The following ASIC2 variants were observed in gnomAD, a reference collection of about 807,000 sequenced individuals.
The protein encoded by ASIC2 is acid sensing ion channel subunit 2, also known as acid-sensing ion channel 2.
ASIC2 carries 25 observed loss-of-function variants against 57.3 expected under a neutral mutation model. That is an observed-to-expected ratio of 0.44 (90% CI 0.32 to 0.61). The LOEUF (loss-of-function observed/expected upper bound fraction) is 0.61, where lower values mean the gene tolerates loss of function less well. Among genes scored for constraint, ASIC2 ranks in the 20% least tolerant of loss-of-function variants. The probability of loss-of-function intolerance (pLI) is 0.06; values close to 1 mark genes in which losing one functional copy is unlikely to be tolerated. For synonymous variants in ASIC2, 319 were observed against 307.5 expected (o/e 1.04, Z -0.39); for missense variants, 641 against 738.1 (o/e 0.87, Z 1.52).
chr17:33,344,344 C>T (rs530096053), intron 1 of ASIC2, among the ~76,000 whole-genome samples: 34 of 152,280 alleles, frequency 2.2e-4, no homozygotes, highest in African/African-American at 7.7e-4. Flanking sequence ...AAGACTCTTC[C>T]TGCAGCAGCA....
At chr17:33,300,634 AG>A (rs1905918218) in intron 1 of ASIC2, among the ~76,000 whole-genome samples, 1 of 152,198 alleles carries the variant, frequency 6.6e-6, no homozygotes, top group Admixed American at 6.5e-5. Context: ...TATTTTTCTC[AG>A]GCTAATTATA....
intron 1 of ASIC2, among the ~76,000 whole-genome samples, chr17:33,380,175 G>A (rs1909429196): frequency 7.1e-6 from 1 of 141,124 alleles, no homozygotes. Flanking sequence ...GAACCAGGGA[G>A]GCAGAAGTTG....
intron 1 of ASIC2, among the ~76,000 whole-genome samples, chr17:33,699,518 T>A (rs1252460421): frequency 3.3e-5 from 5 of 152,224 alleles, no homozygotes; most frequent in Non-Finnish European, 7.3e-5. Flanking sequence ...CGCAGCCACA[T>A]GTCCATAGAA....
At chr17:33,342,804 A>G (rs945282125) in intron 1 of ASIC2, among the ~76,000 whole-genome samples, 1 of 152,062 alleles carries the variant, frequency 6.6e-6, no homozygotes, top group African/African-American at 2.4e-5. Context: ...ACACCTCCTC[A>G]TTCATTCCAG....
chr17:34,078,037 C>T (rs1909736680), intron 1 of ASIC2, among the ~76,000 whole-genome samples: 2 of 152,196 alleles, frequency 1.3e-5, no homozygotes, highest in African/African-American at 2.4e-5. Flanking sequence ...CCTACAGCTT[C>T]TGTCCAGAAT....
chr17:33,072,970 C>T (rs960910552), intron 3 of ASIC2, among the ~76,000 whole-genome samples: 5 of 152,196 alleles, frequency 3.3e-5, no homozygotes, highest in Non-Finnish European at 5.9e-5. Flanking sequence ...ATTCACGGCA[C>T]GCAGGGCACA....
At chr17:33,673,139 G>T (rs961386777) in intron 1 of ASIC2, among the ~76,000 whole-genome samples, 2 of 152,308 alleles carry the variant, frequency 1.3e-5, no homozygotes, top group South Asian at 4.1e-4. Flanking sequence ...GGTTTGACAG[G>T]CTCAGGTGCA....
chr17:33,478,555 A>C (rs1913303070), intron 1 of ASIC2, among the ~76,000 whole-genome samples: 1 of 152,212 alleles, frequency 6.6e-6, no homozygotes, highest in Non-Finnish European at 1.5e-5. Context: ...AGTTTCTGTC[A>C]ATCCTTCGGG....
At chr17:33,037,546 C>T (rs1448425232) in intron 3 of ASIC2, among the ~76,000 whole-genome samples, 1 of 151,966 alleles carries the variant, frequency 6.6e-6, no homozygotes, top group Non-Finnish European at 1.5e-5. Flanking sequence ...CTCTTGCTTA[C>T]CAATGAGTGT....
At chr17:33,579,787 A>T (rs183590296) in intron 1 of ASIC2, among the ~76,000 whole-genome samples, 13 of 152,270 alleles carry the variant, frequency 8.5e-5, no homozygotes, top group African/African-American at 3.1e-4. Context: ...AGAACAAACT[A>T]CCACACCGTG....
At chr17:33,948,980 A>C (rs1027952543) in intron 1 of ASIC2, among the ~76,000 whole-genome samples, 5 of 152,234 alleles carry the variant, frequency 3.3e-5, no homozygotes, top group Non-Finnish European at 7.3e-5. Flanking sequence ...AAGCAGCCAC[A>C]GATGATTTGT....
At position 33,559,990 on chromosome 17, in the gene ASIC2, G is replaced by T. The variant is rs184634582; in HGVS notation, c.556-447923C>A. 4.1e-4 allele frequency among the ~76,000 whole-genome samples: 63 copies of T among 152,280 alleles called. 1 individual carries two copies. Among genetic ancestry groups the T allele is most frequent in the African/African-American group, 1.3e-3 (55 of 41,546 alleles). ...GATGCTGACTACAAATTACTCAAAG[G>T]CCTCATGTGCAGAAAATGTGACAAT... is the stretch of plus-strand genomic sequence containing the variant. On this transcript the variant is annotated intron_variant, in intron 1 of 9. Coordinates refer to the ASIC2 transcript ENST00000359872.
In ASIC2 at chr17:33,866,789, T is replaced by A. The variant is rs141427672; in HGVS notation, c.555+289189A>T. ...GATGCCATAGACCTACAGATGGAGA[T>A]CACAGTTCACAAAATCTCCTCCAGG... On this transcript the variant is annotated intron_variant, in intron 1 of 9. Transcript: ENST00000359872. 8.1e-4 allele frequency among the ~76,000 whole-genome samples: 124 copies of A among 152,248 alleles called. 2 individuals are homozygous for A. In the East Asian group the frequency reaches 0.024, roughly 29 times the overall value.
intron 1 of ASIC2, among the ~76,000 whole-genome samples, chr17:33,519,216 G>A (rs886308018): frequency 3.9e-5 from 6 of 152,236 alleles, no homozygotes; most frequent in Non-Finnish European, 5.9e-5. Flanking sequence ...CGGCTTGTAA[G>A]TGACTTGAAC....
At chr17:33,417,880 G>T (rs1288805339) in intron 1 of ASIC2, among the ~76,000 whole-genome samples, 1 of 152,200 alleles carries the variant, frequency 6.6e-6, no homozygotes, top group African/African-American at 2.4e-5. Context: ...GAGGAGGCCA[G>T]GCAGGACTGG....
intron 1 of ASIC2, among the ~76,000 whole-genome samples, chr17:33,651,128 AAC>A (rs375276938): frequency 3.1e-4 from 47 of 149,706 alleles, no homozygotes; most frequent in East Asian, 3.9e-4. Flanking sequence ...ATTTTGTAGA[AAC>A]ACACACACAC....
At chr17:33,673,097 C>T (rs1369841382) in intron 1 of ASIC2, among the ~76,000 whole-genome samples, 1 of 152,098 alleles carries the variant, frequency 6.6e-6, no homozygotes, top group Non-Finnish European at 1.5e-5. Context: ...GGGGTGACCT[C>T]ATAGAGGCGG....
intron 1 of ASIC2, among the ~76,000 whole-genome samples, chr17:33,305,363 C>T (rs1447780585): frequency 6.6e-6 from 1 of 152,186 alleles, no homozygotes; most frequent in African/African-American, 2.4e-5. Context: ...CTTGTATTTT[C>T]ATGGAGCCTA....
intron 1 of ASIC2, among the ~76,000 whole-genome samples, chr17:34,046,667 C>A (rs1908349919): frequency 6.6e-6 from 1 of 152,170 alleles, no homozygotes. Flanking sequence ...AGATGAAAAA[C>A]CATGGAAACG....
Sources: allele counts gnomAD v4.1 joint callset (sites outside exome capture counted in the v4.1 genomes callset), GRCh38; gene constraint gnomAD v4.1.1; transcripts MANE v1.5; gene names NCBI Gene and HGNC (gene_info 2026-07-23, HGNC 2026-07-21).